VPS53: variants seen among roughly 807,000 people sequenced by gnomAD.
VPS53 encodes the protein vacuolar protein sorting-associated protein 53 homolog.
Under a neutral mutation model 107.0 loss-of-function variants are expected in VPS53, and 70 were observed. The ratio of observed to expected loss-of-function variants is 0.65; its 90% confidence interval spans 0.54 to 0.80. The LOEUF is 0.80. Among genes scored for constraint, VPS53 ranks in the 30% least tolerant of loss-of-function variants. The pLI, the probability that VPS53 is intolerant of heterozygous loss-of-function variation, is 0.00. For synonymous variants in VPS53, 409 were observed against 393.3 expected (o/e 1.04, Z -0.47); for missense variants, 917 against 1,049.4 (o/e 0.87, Z 1.74).
chr17:696,140 A>T (rs1244831734), intron 4 of VPS53, among the ~76,000 whole-genome samples: 1 of 152,260 alleles, frequency 6.6e-6, no homozygotes, highest in Non-Finnish European at 1.5e-5. Flanking sequence ...TCTACACACA[A>T]ATTCTGATGA....
chr17:596,513 A>G (rs936564472), intron 12 of VPS53, among the ~76,000 whole-genome samples: 2 of 152,070 alleles, frequency 1.3e-5, no homozygotes, highest in Admixed American at 1.3e-4. Flanking sequence ...CTCCCCACCA[A>G]CAGCACTCTT....
At chr17:648,270 G>A (rs775399938) in intron 7 of VPS53, among the ~76,000 whole-genome samples, 27 of 152,284 alleles carry the variant, frequency 1.8e-4, no homozygotes, top group African/African-American at 2.2e-4. Context: ...AAATAAGGCC[G>A]GGCACGGTGG....
chr17:690,224 G>C (rs1477444041), intron 4 of VPS53, among the ~76,000 whole-genome samples: 4 of 152,226 alleles, frequency 2.6e-5, no homozygotes, highest in African/African-American at 9.6e-5. Context: ...AGCAGAACTA[G>C]TGGGATGAAA....
At position 518,956 on chromosome 17, in the gene VPS53, T is replaced by G; in HGVS notation, c.*172A>C. ...CCCAGCCCTTACTCAGCGTCTCCGA[T>G]TAGGGCAGGAAGTAAGACAGGGCAT... On this transcript the variant is annotated 3_prime_UTR_variant, in exon 22 of 22. Coordinates refer to ENST00000437048, the MANE Select transcript of VPS53 (RefSeq NM_001128159.3). The G allele has an allele frequency of 7.5e-6, 5 of 668,690 alleles. No individual in the cohort carries two copies. Among genetic ancestry groups the G allele is most frequent in the East Asian group, 3.1e-5 (1 of 31,998 alleles). 41.4% of individuals were successfully genotyped at this position (668,690 alleles called of 1,614,324 possible). A position where few individuals can be genotyped will look rare whatever the true frequency, so the allele number is the denominator to read the frequency against.
intron 2 of VPS53, among the ~76,000 whole-genome samples, chr17:702,558 C>T (rs372542439): frequency 3.3e-5 from 5 of 151,644 alleles, no homozygotes; most frequent in Non-Finnish European, 7.4e-5. Context: ...CCCAGCTACT[C>T]GGGAGGCTGA....
intron 13 of VPS53, among the ~76,000 whole-genome samples, chr17:576,885 T>C (rs998790170): frequency 8.7e-5 from 13 of 149,278 alleles, no homozygotes; most frequent in Non-Finnish European, 3.0e-5. Context: ...CCTAAAGCGT[T>C]CACAGAGAAC....
At chr17:679,359 C>CAA (rs1681581577) in intron 4 of VPS53, among the ~76,000 whole-genome samples, 1 of 151,856 alleles carries the variant, frequency 6.6e-6, no homozygotes, top group Non-Finnish European at 1.5e-5. Context: ...ACTAAAAATA[C>CAA]AAAAATTAGC....
chr17:651,974 T>C (rs1970969527), intron 7 of VPS53, among the ~76,000 whole-genome samples: 1 of 152,188 alleles, frequency 6.6e-6, no homozygotes, highest in African/African-American at 2.4e-5. Flanking sequence ...GTCATCTTTT[T>C]ATCGTATCTA....
chr17:648,679 A>G (rs960941579), intron 7 of VPS53, among the ~76,000 whole-genome samples: 1 of 152,014 alleles, frequency 6.6e-6, no homozygotes, highest in Non-Finnish European at 1.5e-5. Flanking sequence ...AGAGGAATGG[A>G]ACAGGCACTG....
At position 516,122 on chromosome 17, in the gene VPS53, A is replaced by G. The variant is rs531066478; in HGVS notation, c.*3006T>C. The G allele has an allele frequency of 6.6e-6, 1 of 152,118 alleles. No homozygotes were observed. Among genetic ancestry groups the G allele is most frequent in the Admixed American group, 6.5e-5 (1 of 15,272 alleles). The allele number at this position is 152,118 out of a possible 1,614,324, so 9.4% of individuals were successfully genotyped here. A position where few individuals can be genotyped will look rare whatever the true frequency, so the allele number is the denominator to read the frequency against. ...CCTGACCCAACACAAGTTTAAAATG[A>G]AAGCTGTTATCAGTAGAGAATCTTC... is the stretch of plus-strand genomic sequence containing the variant. On this transcript the variant is annotated 3_prime_UTR_variant, in exon 22 of 22. Transcript: ENST00000437048.
intron 13 of VPS53, among the ~76,000 whole-genome samples, chr17:574,961 C>A (rs778270404): frequency 4.6e-5 from 7 of 152,170 alleles, no homozygotes; most frequent in Admixed American, 2.0e-4. Flanking sequence ...TTCCTGGAGG[C>A]AAACTGTGAA....
At chr17:645,691 G>T (rs1970657510) in intron 7 of VPS53, among the ~76,000 whole-genome samples, 1 of 152,190 alleles carries the variant, frequency 6.6e-6, no homozygotes, top group Admixed American at 6.5e-5. Context: ...CCCTATGCTG[G>T]TTTCTGCCAA....
intron 12 of VPS53, among the ~76,000 whole-genome samples, chr17:590,701 A>T (rs1322358112): frequency 6.7e-6 from 1 of 149,350 alleles, no homozygotes; most frequent in Non-Finnish European, 1.5e-5. Flanking sequence ...CGTATATTGA[A>T]CCAGCCTTGC....
intron 13 of VPS53, among the ~76,000 whole-genome samples, chr17:571,845 C>T (rs148766385): frequency 0.15 from 22,066 of 152,090 alleles, 1,849 homozygotes; most frequent in South Asian, 0.23. Context: ...TCACTCAGTG[C>T]TCAATGGTGC....
At chr17:643,848 T>C (rs1004655101) in intron 7 of VPS53, among the ~76,000 whole-genome samples, 3 of 152,244 alleles carry the variant, frequency 2.0e-5, no homozygotes, top group African/African-American at 4.8e-5. Context: ...ACAACACTCA[T>C]ACGTGTCAAC....
At chr17:534,129 C>T (rs781677405) in intron 18 of VPS53, among the ~76,000 whole-genome samples, 10 of 152,198 alleles carry the variant, frequency 6.6e-5, no homozygotes, top group East Asian at 1.9e-4. Flanking sequence ...CGTGAGCCAC[C>T]GCGCCCAGCC....
chr17:519,741 C>G lies in VPS53; in HGVS notation c.2328+85G>C. 9.6e-7 allele frequency: 1 copy of G among 1,036,850 alleles called. No homozygotes were observed. The highest frequency in any genetic ancestry group is 1.6e-5 in the African/African-American group (1 of 62,684). 64.2% of individuals were successfully genotyped at this position (1,036,850 alleles called of 1,614,324 possible). On this transcript the variant is annotated intron_variant, in intron 21 of 21. Transcript: ENST00000437048. This position sits in a 1 kb window ranked among gnomAD's most constrained non-coding sequence, Gnocchi z 5.0. Reference sequence around the variant, plus strand: ...GCACATGCATTTTGAGAAAGCCCCCCCGGAACTTATATCCCAATTCCCGGT... The same window carrying G: ...GCACATGCATTTTGAGAAAGCCCCCGCGGAACTTATATCCCAATTCCCGGT...
At chr17:548,272 G>A (rs1013529390) in intron 17 of VPS53, among the ~76,000 whole-genome samples, 1 of 152,226 alleles carries the variant, frequency 6.6e-6, no homozygotes, top group Non-Finnish European at 1.5e-5. Context: ...CCAGGAAAAT[G>A]ACTTAACCAA....
intron 11 of VPS53, among the ~76,000 whole-genome samples, chr17:603,352 G>A (rs763794448): frequency 1.8e-4 from 28 of 152,228 alleles, no homozygotes; most frequent in Non-Finnish European, 3.8e-4. Flanking sequence ...AATCCAGGAA[G>A]TGGAGGTTGC....
Sources: gnomAD v4.1 joint callset for allele counts (sites outside exome capture counted in the v4.1 genomes callset) on GRCh38, gnomAD v4.1.1 for gene constraint, Gnocchi (gnomAD v3.1) non-coding constraint, MANE v1.5 for transcripts, NCBI Gene and HGNC (gene_info 2026-07-23, HGNC 2026-07-21) for gene names.